SLC7A6: variants seen among roughly 807,000 people sequenced by gnomAD.
The protein encoded by SLC7A6 is Y+L amino acid transporter 2.
In SLC7A6, 29 loss-of-function variants were observed where a neutral mutation model predicts 46.6. The observed-to-expected ratio is 0.62, with a 90% CI of 0.46 to 0.85. SLC7A6 has a LOEUF of 0.85. Ranked by LOEUF, SLC7A6 falls within the 40% of genes least tolerant of loss-of-function variation. The pLI, the probability that SLC7A6 is intolerant of heterozygous loss-of-function variation, is 0.00. For synonymous variants in SLC7A6, 276 were observed against 257.3 expected, an observed-to-expected ratio of 1.07 and a Z score of -0.70; for missense variants, 527 against 647.6, an observed-to-expected ratio of 0.81 and a Z score of 2.02.
rs1378310829 is a variant in SLC7A6, at chr16:68,275,230, C to T, written c.504C>T (p.Leu168=). 5 of 1,611,668 alleles carry T rather than the reference C, an allele frequency of 3.1e-6. No homozygotes were observed. In the African/African-American group the frequency reaches 5.4e-5, roughly 17 times the overall value. Residue 168 remains leucine, a synonymous_variant, in exon 3 of 11, where the codon CTC becomes CTT. Coordinates refer to ENST00000219343, the MANE Select transcript of SLC7A6 (RefSeq NM_003983.6). The part of the protein sequence containing the change: ...SCDPPYLACR[L]LAAACICLLT... ...ATCCCCCATACCTGGCCTGCCGTCT[C>T]CTGGCTGCTGCTTGCATATGTAAGT...
chr16:68,267,584 GA>G (rs2042557079), intron 2 of SLC7A6, among the ~76,000 whole-genome samples: 1 of 152,188 alleles, frequency 6.6e-6, no homozygotes, highest in South Asian at 2.1e-4. Flanking sequence ...GATTCAACCA[GA>G]GGGGGGAATA....
intron 10 of SLC7A6, 149 bp from the exon 11 acceptor site, chr16:68,297,085 G>A (rs1164796048): frequency 8.1e-6 from 6 of 739,208 alleles, no homozygotes; most frequent in Non-Finnish European, 1.3e-5. Context: ...AGGATGATGA[G>A]GCTTGTTGGG....
chr16:68,286,234 T>C (rs1462939086), intron 3 of SLC7A6, among the ~76,000 whole-genome samples: 1 of 151,744 alleles, frequency 6.6e-6, no homozygotes, highest in Non-Finnish European at 1.5e-5. Flanking sequence ...TACATGATGA[T>C]AGCATAGACA....
At chr16:68,274,176 G>A (rs1158444589) in intron 2 of SLC7A6, among the ~76,000 whole-genome samples, 1 of 152,182 alleles carries the variant, frequency 6.6e-6, no homozygotes. Context: ...TGGCCTGAGA[G>A]TAGCTGCAGA....
chr16:68,282,976 T>C (rs1268408430), intron 3 of SLC7A6, among the ~76,000 whole-genome samples: 1 of 152,212 alleles, frequency 6.6e-6, no homozygotes, highest in African/African-American at 2.4e-5. Context: ...TGTCCTTGAA[T>C]GCCCCTTTAT....
chr16:68,291,770 T>TGTGG (rs1480773316), intron 7 of SLC7A6, 109 bp downstream of exon 7: 5 of 614,302 alleles, frequency 8.1e-6, no homozygotes, highest in Non-Finnish European at 1.4e-5. Flanking sequence ...AGGGTGTGTG[T>TGTGG]GTGTGTGTGT....
At chr16:68,283,049 AAG>A (rs1384673748) in intron 3 of SLC7A6, among the ~76,000 whole-genome samples, 1 of 152,240 alleles carries the variant, frequency 6.6e-6, no homozygotes, top group African/African-American at 2.4e-5. Context: ...CCTGTGGGAA[AAG>A]AGAGTTGTGA....
chr16:68,276,097 T>C (rs2042708408), intron 3 of SLC7A6, among the ~76,000 whole-genome samples: 1 of 152,238 alleles, frequency 6.6e-6, no homozygotes, highest in South Asian at 2.1e-4. Context: ...TGCTGCTCTT[T>C]GCGGCTTGCT....
chr16:68,287,641 T>C (rs1215890594), intron 3 of SLC7A6, 105 bp from the exon 4 acceptor site: 1 of 1,542,872 alleles, frequency 6.5e-7, no homozygotes, highest in Non-Finnish European at 8.8e-7. Context: ...CATTGGCCCC[T>C]TTGCCTTAGG....
In SLC7A6 at chr16:68,275,266, A is replaced by G; in HGVS notation, c.523+17A>G. ...CTTGCATATGTAAGTGGGGGCTGAGATTGGGAGGATGTTGGGGGGTGGGGG... is the reference window on the plus strand; with the variant it reads ...CTTGCATATGTAAGTGGGGGCTGAGGTTGGGAGGATGTTGGGGGGTGGGGG... On this transcript the variant is annotated intron_variant, in intron 3 of 10. Coordinates refer to ENST00000219343, the MANE Select transcript of SLC7A6 (RefSeq NM_003983.6). 1 of 966,316 alleles carries G rather than the reference A, an allele frequency of 1.0e-6. No individual in the cohort carries two copies. The highest frequency in any genetic ancestry group is 3.3e-5 in the East Asian group (1 of 30,190). The allele number at this position is 966,316 out of a possible 1,614,324, so 59.9% of individuals were successfully genotyped here. A position where few individuals can be genotyped will look rare whatever the true frequency, so the allele number is the denominator to read the frequency against.
intron 5 of SLC7A6, 57 bp from the exon 6 acceptor site, chr16:68,291,152 A>T (rs2151229097): frequency 6.2e-7 from 1 of 1,611,570 alleles, no homozygotes; most frequent in African/African-American, 1.3e-5. Flanking sequence ...GACTTGATAA[A>T]CTTTGTTCCC....
At chr16:68,287,069 C>G (rs2042950913) in intron 3 of SLC7A6, among the ~76,000 whole-genome samples, 1 of 151,560 alleles carries the variant, frequency 6.6e-6, no homozygotes, top group African/African-American at 2.4e-5. Flanking sequence ...CCTCAACCTC[C>G]TAGGCTCAAG....
intron 4 of SLC7A6, 111 bp from the exon 5 acceptor site, chr16:68,290,283 TCC>T: frequency 1.8e-6 from 2 of 1,122,984 alleles, no homozygotes; most frequent in Non-Finnish European, 1.3e-6. Context: ...CATCTTCCCT[TCC>T]TCTTTCCTAT....
intron 4 of SLC7A6, 114 bp from the exon 5 acceptor site, chr16:68,290,282 T>C: frequency 9.0e-7 from 1 of 1,116,882 alleles, no homozygotes; most frequent in Non-Finnish European, 1.3e-6. Context: ...TCATCTTCCC[T>C]TCCTCTTTCC....
At chr16:68,275,591 G>A (rs2042698227) in intron 3 of SLC7A6, among the ~76,000 whole-genome samples, 1 of 72,166 alleles carries the variant, frequency 1.4e-5, no homozygotes, top group Non-Finnish European at 2.4e-5. Flanking sequence ...GCAAAACTCT[G>A]TCTCCAAAAA....
chr16:68,281,374 T>A (rs1490037022), intron 3 of SLC7A6, among the ~76,000 whole-genome samples: 1 of 152,104 alleles, frequency 6.6e-6, no homozygotes, highest in Non-Finnish European at 1.5e-5. Flanking sequence ...TGGAAGGGGG[T>A]GCTTTTTGCT....
chr16:68,301,504 G>T lies in SLC7A6; in HGVS notation c.*4176G>T. ...GAAAGGTCTGTTTTTGTTCCCGATT[G>T]TAATGCAAAATCCTTGCTCAATAAA... On this transcript the variant is annotated 3_prime_UTR_variant, in exon 11 of 11. Coordinates refer to ENST00000219343, the MANE Select transcript of SLC7A6 (RefSeq NM_003983.6). 2 of 962,890 alleles carry T rather than the reference G, an allele frequency of 2.1e-6. No individual in the cohort carries two copies. The highest frequency in any genetic ancestry group is 3.0e-6 in the Non-Finnish European group (2 of 660,102). The allele number at this position is 962,890 out of a possible 1,614,324, so 59.6% of individuals were successfully genotyped here.
In SLC7A6 at chr16:68,275,092, C is replaced by A. The variant is rs374085320; in HGVS notation, c.366C>A (p.Phe122Leu). 52 of 1,614,178 alleles carry A rather than the reference C, an allele frequency of 3.2e-5. No homozygotes were observed. In the African/African-American group the frequency reaches 5.7e-4, roughly 18 times the overall value. Residue 122 changes from phenylalanine to leucine, a missense_variant, in exon 3 of 11, where the codon TTC becomes TTA. Phe to Leu is a conservative substitution (Grantham distance 22). Coordinates refer to ENST00000219343, the MANE Select transcript of SLC7A6 (RefSeq NM_003983.6). Reference sequence around the variant, plus strand: ...ATATTCTAGAGGCCTTTGGGGGCTTCATTGCCTTCATCCGCCTGTGGGTCT... The same window carrying A: ...ATATTCTAGAGGCCTTTGGGGGCTTAATTGCCTTCATCCGCCTGTGGGTCT... Reference protein sequence around the residue: ...YAYILEAFGGFIAFIRLWVSL... With the variant: ...YAYILEAFGGLIAFIRLWVSL...
chr16:68,280,119 G>T lies in SLC7A6; in HGVS notation c.523+4870G>T, dbSNP rs1020911618. ...TCTCCTTGAGTAGAGGCGGCAGTGGGAACAACGTGGTTTCAGGAGACATAA... is the reference window on the plus strand; with the variant it reads ...TCTCCTTGAGTAGAGGCGGCAGTGGTAACAACGTGGTTTCAGGAGACATAA... On this transcript the variant is annotated intron_variant, in intron 3 of 10. Transcript: ENST00000219343. Among the ~76,000 whole-genome samples, 31 of 152,196 alleles carry T rather than the reference G, an allele frequency of 2.0e-4. 1 individual carries two copies. The highest frequency in any genetic ancestry group is 2.0e-3 in the Admixed American group (31 of 15,278).
Sources: allele counts gnomAD v4.1 joint callset (sites outside exome capture counted in the v4.1 genomes callset), GRCh38; gene constraint gnomAD v4.1.1; transcripts MANE v1.5; gene names NCBI Gene and HGNC (gene_info 2026-07-23, HGNC 2026-07-21).